Variants in GRIK2 observed in about 807,000 individuals in gnomAD.
The protein encoded by GRIK2 is glutamate ionotropic receptor kainate type subunit 2.
A neutral mutation model predicts 100.3 loss-of-function variants in GRIK2; 32 were observed. That is an observed-to-expected ratio of 0.32 (90% CI 0.24 to 0.43). The LOEUF (loss-of-function observed/expected upper bound fraction) is 0.43, where lower values mean the gene tolerates loss of function less well. GRIK2 is among the 20% of genes least tolerant of loss of function. The pLI is 1.00. For missense variants in GRIK2, 843 were observed against 1,114.9 expected (o/e 0.76, Z 3.47); for synonymous variants, 417 against 389.4 (o/e 1.07, Z -0.83).
intron 11 of GRIK2, among the ~76,000 whole-genome samples, chr6:101,887,665 T>C (rs1445674245): frequency 1.3e-5 from 2 of 152,036 alleles, no homozygotes; most frequent in Non-Finnish European, 2.9e-5. Context: ...CTCAGGAAAC[T>C]TACAATCCTG....
intron 2 of GRIK2, among the ~76,000 whole-genome samples, chr6:101,460,417 T>C (rs1162653661): frequency 1.3e-5 from 2 of 152,208 alleles, no homozygotes; most frequent in Non-Finnish European, 2.9e-5. Flanking sequence ...GTTTGTTTCT[T>C]CTTAAATAGA....
At chr6:101,478,028 T>C (rs760713677) in intron 2 of GRIK2, among the ~76,000 whole-genome samples, 5 of 152,194 alleles carry the variant, frequency 3.3e-5, no homozygotes, top group Admixed American at 1.3e-4. Context: ...TGAGTATCTT[T>C]GAGTTTTTAT....
chr6:102,023,072 C>T (rs1769516273), intron 14 of GRIK2, among the ~76,000 whole-genome samples: 1 of 150,784 alleles, frequency 6.6e-6, no homozygotes, highest in South Asian at 2.1e-4. Flanking sequence ...TGGAGAGTGG[C>T]CAAGTAACCT....
At chr6:101,623,715 C>T (rs758374391) in intron 3 of GRIK2, among the ~76,000 whole-genome samples, 25 of 152,102 alleles carry the variant, frequency 1.6e-4, no homozygotes, top group Non-Finnish European at 2.9e-4. Flanking sequence ...AAGAAATTTA[C>T]AAGCTTTGTT....
chr6:101,874,784 T>G (rs1785697050), intron 11 of GRIK2, among the ~76,000 whole-genome samples: 1 of 152,138 alleles, frequency 6.6e-6, no homozygotes, highest in African/African-American at 2.4e-5. Context: ...GGGAAGTGGT[T>G]TGTAGTTCTC....
intron 11 of GRIK2, among the ~76,000 whole-genome samples, chr6:101,864,207 T>C (rs1189123157): frequency 1.3e-5 from 2 of 151,110 alleles, no homozygotes; most frequent in African/African-American, 4.9e-5. Flanking sequence ...AGCAGGACTA[T>C]AGCCTTCTTT....
chr6:101,554,648 T>C (rs1582704212), intron 2 of GRIK2, among the ~76,000 whole-genome samples: 1 of 152,168 alleles, frequency 6.6e-6, no homozygotes, highest in East Asian at 1.9e-4. Flanking sequence ...TGAAATTCTC[T>C]GTTAATGGGA....
At chr6:101,575,406 A>G (rs759843632) in intron 2 of GRIK2, among the ~76,000 whole-genome samples, 2 of 152,018 alleles carry the variant, frequency 1.3e-5, no homozygotes, top group South Asian at 2.1e-4. Context: ...ATAAAATCTA[A>G]TAAGTATATG....
intron 2 of GRIK2, among the ~76,000 whole-genome samples, chr6:101,585,796 A>T (rs2128304678): frequency 6.6e-6 from 1 of 152,262 alleles, no homozygotes; most frequent in Admixed American, 6.5e-5. Flanking sequence ...TCAGAAAATA[A>T]GTTTGAGGCA....
intron 11 of GRIK2, among the ~76,000 whole-genome samples, chr6:101,863,769 G>A (rs187955117): frequency 1.6e-3 from 250 of 152,286 alleles, no homozygotes; most frequent in African/African-American, 5.8e-3. Flanking sequence ...GTAGCTTTGG[G>A]AAAGTTTCTT....
chr6:101,500,981 A>C (rs1311112944), intron 2 of GRIK2, among the ~76,000 whole-genome samples: 1 of 152,102 alleles, frequency 6.6e-6, no homozygotes, highest in African/African-American at 2.4e-5. Context: ...AAATTCTGAT[A>C]ACTTTCTTCA....
intron 7 of GRIK2, among the ~76,000 whole-genome samples, chr6:101,793,973 T>C (rs548032682): frequency 1.3e-5 from 2 of 152,220 alleles, no homozygotes; most frequent in South Asian, 4.1e-4. Context: ...ACTTCTGTGC[T>C]AGCAATCAGC....
chr6:101,789,996 G>T (rs1355978156), intron 7 of GRIK2, among the ~76,000 whole-genome samples: 1 of 152,072 alleles, frequency 6.6e-6, no homozygotes, highest in African/African-American at 2.4e-5. Context: ...CTCATGATTT[G>T]GCTCTCTGTT....
At chr6:101,698,957 TA>T (rs1049576854) in intron 7 of GRIK2, among the ~76,000 whole-genome samples, 7 of 152,178 alleles carry the variant, frequency 4.6e-5, no homozygotes, top group Admixed American at 3.9e-4. Flanking sequence ...CCTTTGTAGT[TA>T]CCTCACTGGA....
intron 14 of GRIK2, among the ~76,000 whole-genome samples, chr6:101,963,582 G>C (rs531466919): frequency 7.7e-6 from 1 of 129,310 alleles, no homozygotes; most frequent in East Asian, 2.3e-4. Context: ...TTGATCTCCT[G>C]ACCTCGTGAT....
At chr6:101,395,264 C>A (rs1774957938) in intron 1 of GRIK2, among the ~76,000 whole-genome samples, 2 of 152,140 alleles carry the variant, frequency 1.3e-5, no homozygotes, top group African/African-American at 4.8e-5. Flanking sequence ...ATGCAACAGG[C>A]CACTTGCATG....
chr6:101,916,995 A>AT (rs1789156949), intron 12 of GRIK2, among the ~76,000 whole-genome samples: 1 of 151,596 alleles, frequency 6.6e-6, no homozygotes. Context: ...AAATGGCATA[A>AT]TTTCAGCAGA....
rs138449945 is a variant in GRIK2, at chr6:101,661,824, A to G, written c.542-14799A>G. On this transcript the variant is annotated intron_variant, in intron 4 of 16. Transcript: ENST00000369134. ...TGCACCCACTGTCTAACTAGTCCCA[A>G]TGAGATGAGCTGGGTACCTCAGTTG... 3.5e-3 allele frequency among the ~76,000 whole-genome samples: 525 copies of G among 152,134 alleles called. 4 individuals carry two copies. The highest frequency in any genetic ancestry group is 0.012 in the African/African-American group (494 of 41,522).
chr6:102,063,348 G>A (rs1322283656), intron 16 of GRIK2, among the ~76,000 whole-genome samples: 2 of 150,700 alleles, frequency 1.3e-5, no homozygotes, highest in African/African-American at 2.4e-5. Context: ...AATACTAAAT[G>A]CAGGCTTGAA....
Sources: allele counts gnomAD v4.1 joint callset (sites outside exome capture counted in the v4.1 genomes callset), GRCh38; gene constraint gnomAD v4.1.1; transcripts MANE v1.5; gene names NCBI Gene and HGNC (gene_info 2026-07-23, HGNC 2026-07-21).